Variants in SPAG9 observed in about 807,000 individuals in gnomAD.
The protein encoded by SPAG9 is sperm associated antigen 9, also known as C-Jun-amino-terminal kinase-interacting protein 4.
In SPAG9, 35 loss-of-function variants were observed where a neutral mutation model predicts 166.5. That is an observed-to-expected ratio of 0.21 (90% CI 0.16 to 0.28). The LOEUF (loss-of-function observed/expected upper bound fraction) is 0.28, where lower values mean the gene tolerates loss of function less well. SPAG9 is among the 10% of genes least tolerant of loss of function. The pLI, the probability that SPAG9 is intolerant of heterozygous loss-of-function variation, is 1.00. For synonymous variants in SPAG9, 534 were observed against 565.5 expected, an observed-to-expected ratio of 0.94 and a Z score of 0.79; for missense variants, 1,235 against 1,603.3, an observed-to-expected ratio of 0.77 and a Z score of 3.92.
At chr17:51,051,889 C>A (rs531108941) in intron 3 of SPAG9, among the ~76,000 whole-genome samples, 1 of 152,246 alleles carries the variant, frequency 6.6e-6, no homozygotes, top group South Asian at 2.1e-4. Flanking sequence ...TTCAAACACT[C>A]CCTGATGTGA....
intron 13 of SPAG9, 89 bp from the exon 14 acceptor site, chr17:50,999,806 G>A: frequency 1.9e-6 from 2 of 1,079,856 alleles, no homozygotes; most frequent in South Asian, 1.3e-5. Flanking sequence ...GAAGTTCATG[G>A]GATACACAGA....
At chr17:51,098,316 C>G (rs1056440182) in intron 1 of SPAG9, among the ~76,000 whole-genome samples, 5 of 140,282 alleles carry the variant, frequency 3.6e-5, no homozygotes, top group African/African-American at 1.3e-4. Context: ...AGAAGACAGA[C>G]AGTTCGTGGT....
Position 51,021,151 on chromosome 17 carries a change from C to T in SPAG9, c.991+7G>A. 2 of 1,609,756 alleles carry T rather than the reference C, an allele frequency of 1.2e-6. No individual in the cohort carries two copies. The highest frequency in any genetic ancestry group is 1.7e-6 in the Non-Finnish European group (2 of 1,176,174). Reference sequence around the variant, plus strand: ...TTCCTAGTAAGTAAAGAACTAGGGTCACTCACCAGTAGATACATTTCTAGT... The same window carrying T: ...TTCCTAGTAAGTAAAGAACTAGGGTTACTCACCAGTAGATACATTTCTAGT... On this transcript the variant is annotated splice_region_variant and intron_variant, in intron 7 of 29. Transcript: ENST00000262013.
intron 1 of SPAG9, among the ~76,000 whole-genome samples, chr17:51,102,136 AT>A (rs768784498): frequency 6.6e-6 from 1 of 151,306 alleles, no homozygotes; most frequent in Non-Finnish European, 1.5e-5. Flanking sequence ...TAATCCTAGC[AT>A]TTTGGGAGGC....
rs575089566 is a variant in SPAG9 at position 51,112,794 on chromosome 17, C to T, written c.303+7560G>A. 6.2e-5 allele frequency among the ~76,000 whole-genome samples: 9 copies of T among 145,610 alleles called. No individual in the cohort carries two copies. The South Asian group carries it at 1.9e-3, about 32-fold the overall frequency. The stretch of plus-strand genomic sequence containing the variant: ...AGTGAGTTCAGCTTGCATAACATAA[C>T]GAGACCCTGTTTCTACAAAAAAAAT... On this transcript the variant is annotated intron_variant, in intron 1 of 29. Coordinates refer to ENST00000262013, the MANE Select transcript of SPAG9 (RefSeq NM_001130528.3).
At chr17:50,968,503 G>A (rs1261823310) in intron 29 of SPAG9, among the ~76,000 whole-genome samples, 1 of 152,034 alleles carries the variant, frequency 6.6e-6, no homozygotes, top group Admixed American at 6.6e-5. Context: ...GGCTGAGGCA[G>A]GTGGACTGTT....
At chr17:51,013,156 T>C (rs185210377) in intron 9 of SPAG9, among the ~76,000 whole-genome samples, 4 of 152,322 alleles carry the variant, frequency 2.6e-5, no homozygotes, top group African/African-American at 7.2e-5. Flanking sequence ...TCCAAAGTCA[T>C]AACAATTAAC....
intron 18 of SPAG9, 57 bp downstream of exon 18, chr17:50,995,000 G>T: frequency 7.1e-7 from 1 of 1,400,918 alleles, no homozygotes; most frequent in Non-Finnish European, 9.7e-7. Flanking sequence ...AATTTTGGAT[G>T]AAAGAGTTAA....
chr17:51,085,959 A>ATTTTTTTTTTTTTTTTTTTTTTT (rs34918673), intron 1 of SPAG9, among the ~76,000 whole-genome samples: 1 of 88,066 alleles, frequency 1.1e-5, no homozygotes, highest in African/African-American at 4.6e-5. Context: ...CTTGGAAATC[A>ATTTTTTTTTTTTTTTTTTTTTTT]TTTTTTTTTT....
chr17:51,058,738 C>T (rs1239994806), intron 2 of SPAG9, among the ~76,000 whole-genome samples: 1 of 152,170 alleles, frequency 6.6e-6, no homozygotes, highest in African/African-American at 2.4e-5. Context: ...CACCACCATG[C>T]TTCTGAATGG....
Position 50,971,767 on chromosome 17 carries a change from CTTTAT to C in SPAG9, c.3701-916_3701-912del, listed in dbSNP as rs958733909. ...GAGCCACTGCACCTGGCCCAAATTA[CTTTAT>C]TTATTTATTTTTGAGACAGAGTTTC... On this transcript the variant is annotated intron_variant, in intron 28 of 29. Coordinates refer to ENST00000262013, the MANE Select transcript of SPAG9 (RefSeq NM_001130528.3). Among the ~76,000 whole-genome samples the C allele has an allele frequency of 6.3e-4, 94 of 149,220 alleles. 1 individual carries two copies. Among genetic ancestry groups the C allele is most frequent in the Admixed American group, 6.3e-3 (94 of 14,978 alleles).
intron 8 of SPAG9, among the ~76,000 whole-genome samples, chr17:51,017,398 G>C (rs2045745183): frequency 6.6e-6 from 1 of 152,184 alleles, no homozygotes; most frequent in South Asian, 2.1e-4. Flanking sequence ...AAGTGATAGA[G>C]TTGTGCACCC....
chr17:51,007,858 G>A (rs1199943655), intron 9 of SPAG9: 1 of 450,586 alleles, frequency 2.2e-6, no homozygotes, highest in Non-Finnish European at 4.5e-6. Context: ...TGGTCTTAAA[G>A]CCCATGCATT....
chr17:51,115,257 T>A (rs2049250997), intron 1 of SPAG9, among the ~76,000 whole-genome samples: 1 of 152,072 alleles, frequency 6.6e-6, no homozygotes, highest in African/African-American at 2.4e-5. Context: ...GTGGCCATGA[T>A]AACTCACTGC....
chr17:51,007,325 TC>T lies in SPAG9; in HGVS notation c.1214del (p.Gly405GlufsTer11). 1 of 1,562,080 alleles carries T rather than the reference TC, an allele frequency of 6.4e-7. No individual in the cohort carries two copies. Among genetic ancestry groups the T allele is most frequent in the Non-Finnish European group, 8.7e-7 (1 of 1,147,638 alleles). ...TAAGATTCTCAACTTCCCGACCCAT[TC>T]CTATCAAACGAAAAAAGATAAAGAC... Reference protein sequence around the residue: ...GDVDEGADLLGMGREVENLIL... With the variant: ...GDVDEGADLLXMGREVENLIL... On this transcript the variant is annotated frameshift_variant and splice_region_variant, in exon 10 of 30. Coordinates refer to ENST00000262013, the MANE Select transcript of SPAG9 (RefSeq NM_001130528.3). LOFTEE classifies it high-confidence loss of function.
intron 1 of SPAG9, among the ~76,000 whole-genome samples, chr17:51,099,824 G>T (rs2048757946): frequency 6.7e-6 from 1 of 148,940 alleles, no homozygotes; most frequent in Non-Finnish European, 1.5e-5. Context: ...ACCCAGCCAG[G>T]CGCAGTGGCT....
Position 50,980,032 on chromosome 17 carries a change from T to C in SPAG9, c.3238-115A>G, listed in dbSNP as rs185227977. ...TTAAAAGACAAGCCCAAATATTATA[T>C]ATTAAACATGATTACTCTTATATAC... On this transcript the variant is annotated intron_variant, in intron 25 of 29. Coordinates refer to ENST00000262013, the MANE Select transcript of SPAG9 (RefSeq NM_001130528.3). 4.4e-4 allele frequency: 380 copies of C among 860,732 alleles called. 1 individual carries two copies. Among genetic ancestry groups the C allele is most frequent in the Non-Finnish European group, 6.0e-4 (336 of 556,994 alleles). The allele number at this position is 860,732 out of a possible 1,614,324, so 53.3% of individuals were successfully genotyped here. A position where few individuals can be genotyped will look rare whatever the true frequency, so the allele number is the denominator to read the frequency against.
At chr17:50,989,980 A>G in intron 20 of SPAG9, 108 bp from the exon 21 acceptor site, 5 of 893,942 alleles carry the variant, frequency 5.6e-6, no homozygotes, top group Non-Finnish European at 9.1e-6. Context: ...ACTCCTTCAC[A>G]CTGTACCATG....
At position 51,106,084 on chromosome 17, in the gene SPAG9, C is replaced by T. The variant is rs539577470; in HGVS notation, c.303+14270G>A. On this transcript the variant is annotated intron_variant, in intron 1 of 29. Coordinates refer to ENST00000262013, the MANE Select transcript of SPAG9 (RefSeq NM_001130528.3). Reference sequence around the variant, plus strand: ...GTTCAAGTGCCCATCCTGGGCAACACAGCAAGACCCCCATCTCTACACACA... The same window carrying T: ...GTTCAAGTGCCCATCCTGGGCAACATAGCAAGACCCCCATCTCTACACACA... 6.6e-3 allele frequency among the ~76,000 whole-genome samples: 964 copies of T among 146,218 alleles called. 5 individuals are homozygous for T. Among genetic ancestry groups the T allele is most frequent in the African/African-American group, 0.023 (916 of 39,588 alleles).
Sources: allele counts gnomAD v4.1 joint callset (sites outside exome capture counted in the v4.1 genomes callset), GRCh38; gene constraint gnomAD v4.1.1; transcripts MANE v1.5; gene names NCBI Gene and HGNC (gene_info 2026-07-23, HGNC 2026-07-21).